PTGR1: variants seen among roughly 807,000 people sequenced by gnomAD.
PTGR1 encodes prostaglandin reductase 1, also known as 15-oxoprostaglandin 13-reductase.
In PTGR1, 23 loss-of-function variants were observed where a neutral mutation model predicts 37.7. The observed-to-expected ratio is 0.61, with a 90% CI of 0.44 to 0.86. The LOEUF is 0.86. Ranked by LOEUF, PTGR1 falls within the 40% of genes least tolerant of loss-of-function variation. The pLI, the probability that PTGR1 is intolerant of heterozygous loss-of-function variation, is 0.00. For missense variants in PTGR1, 351 were observed against 394.3 expected, an observed-to-expected ratio of 0.89 and a Z score of 0.93; for synonymous variants, 134 against 140.0, an observed-to-expected ratio of 0.96 and a Z score of 0.30.
At chr9:111,599,288 T>G (rs564827795) in intron 1 of PTGR1, 1 of 152,380 alleles carries the variant, frequency 6.6e-6, no homozygotes, top group South Asian at 2.1e-4. Flanking sequence ...CCCCCAGTTG[T>G]GCAGTCCAGC....
chr9:111,563,260 A>T, intron 9 of PTGR1, 29 bp from the exon 10 acceptor site: 1 of 1,591,300 alleles, frequency 6.3e-7, no homozygotes, highest in Non-Finnish European at 8.6e-7. Flanking sequence ...AAATTTTAAA[A>T]CTTAATTTAA....
chr9:111,591,807 T>C (rs1829631153), intron 4 of PTGR1, among the ~76,000 whole-genome samples: 1 of 152,220 alleles, frequency 6.6e-6, no homozygotes, highest in Non-Finnish European at 1.5e-5. Flanking sequence ...CCTGAAACTA[T>C]TGCTACGGAA....
intron 9 of PTGR1, among the ~76,000 whole-genome samples, chr9:111,551,351 T>G (rs1310786677): frequency 6.6e-6 from 1 of 151,992 alleles, no homozygotes; most frequent in Admixed American, 6.6e-5. Context: ...TTTGTTGTTG[T>G]TCTAAATATA....
intron 4 of PTGR1, among the ~76,000 whole-genome samples, chr9:111,589,885 T>A (rs1829555700): frequency 6.6e-6 from 1 of 152,154 alleles, no homozygotes; most frequent in African/African-American, 2.4e-5. Context: ...TCCGCCCACC[T>A]TGGCCTCCCA....
At chr9:111,552,504 A>G (rs1827999455) in intron 9 of PTGR1, among the ~76,000 whole-genome samples, 2 of 152,322 alleles carry the variant, frequency 1.3e-5, no homozygotes, top group South Asian at 2.1e-4. Context: ...CTTTTGACTT[A>G]ACTTAGCTGG....
At chr9:111,561,139 GAGAGAGAGGGA>G (rs1564608043), downstream of PTGR1, among the ~76,000 whole-genome samples, 134 of 15,564 alleles carry the variant, frequency 8.6e-3, 15 homozygotes, top group African/African-American at 0.025. Context: ...AGAGAGAGAG[GAGAGAGAGGGA>G]GAGAGAGAGA....
rs113205697 is a variant in PTGR1, at chr9:111,581,330, G to GA, written c.495+2141dup. On this transcript the variant is annotated intron_variant, in intron 6 of 9. Coordinates refer to ENST00000407693, the MANE Select transcript of PTGR1 (RefSeq NM_001146108.2). ...TCCTCATGAAGAAAACAGAATAGAT[G>GA]AAAAAAATAATTAAATAGAAGAAGA... Among the ~76,000 whole-genome samples the GA allele has an allele frequency of 5.3e-4, 81 of 152,082 alleles. 1 individual carries two copies. The highest frequency in any genetic ancestry group is 1.9e-3 in the African/African-American group (77 of 41,522).
chr9:111,570,164 G>A lies in PTGR1; in HGVS notation c.806C>T (p.Ala269Val), dbSNP rs1172494345. 5 of 1,613,992 alleles carry A rather than the reference G, an allele frequency of 3.1e-6. No individual in the cohort carries two copies. The highest frequency in any genetic ancestry group is 2.7e-5 in the African/African-American group (2 of 74,906). Residue 269 changes from alanine (A) to valine (V), a missense_variant, in exon 9 of 10, where the codon GCT (alanine) becomes GTT (valine). Coordinates refer to ENST00000407693, the MANE Select transcript of PTGR1 (RefSeq NM_001146108.2). The stretch of plus-strand genomic sequence containing the variant: ...TCCTTGCCAGCGGTAGACGACAAAA[G>A]CTTCCATGCGAAGCTCCTGATAGAT... Reference protein sequence around the residue: ...IVIYQELRMEAFVVYRWQGDA... With the variant: ...IVIYQELRMEVFVVYRWQGDA...
chr9:111,593,042 C>G, intron 3 of PTGR1, 60 bp from the exon 4 acceptor site: 5 of 1,413,936 alleles, frequency 3.5e-6, no homozygotes, highest in East Asian at 3.5e-5. Context: ...AAATTCCATT[C>G]TTAATACATA....
chr9:111,586,164 C>A lies in PTGR1; in HGVS notation c.211G>T (p.Val71Phe), dbSNP rs1829422993. ...AGGGCTACATTTTTACTTTCCACAA[C>A]TCTGAAAGATAAAGCACATTAAGGC... ...DTMMGQQVAK[V>F]VESKNVALPK... The change falls in exon 5 of 10, where the codon GTT becomes TTT. Residue 71 changes from valine (V) to phenylalanine (F), a missense_variant and splice_region_variant. Transcript: ENST00000407693. 8 of 1,613,760 alleles carry A rather than the reference C, an allele frequency of 5.0e-6. No individual in the cohort carries two copies. The highest frequency in any genetic ancestry group is 6.8e-6 in the Non-Finnish European group (8 of 1,179,726).
At chr9:111,572,039 C>A (rs1828840994) in intron 8 of PTGR1, among the ~76,000 whole-genome samples, 1 of 152,112 alleles carries the variant, frequency 6.6e-6, no homozygotes, top group Admixed American at 6.5e-5. Context: ...CTTTCAAGTT[C>A]CAGGAAGTCA....
downstream of PTGR1, among the ~76,000 whole-genome samples, chr9:111,561,110 T>TATATATAGAGAGAG (rs1457364862): frequency 4.2e-4 from 8 of 19,194 alleles, no homozygotes; most frequent in South Asian, 2.2e-3. Flanking sequence ...TATATATATA[T>TATATATAGAGAGAG]AGAGAGAGAG....
chr9:111,565,033 A>G (rs1375400192), intron 9 of PTGR1, among the ~76,000 whole-genome samples: 1 of 152,154 alleles, frequency 6.6e-6, no homozygotes, highest in Non-Finnish European at 1.5e-5. Context: ...CTGAGGCAGA[A>G]GAATCACATG....
At chr9:111,550,358 C>T (rs1827904466) in intron 9 of PTGR1, among the ~76,000 whole-genome samples, 1 of 152,160 alleles carries the variant, frequency 6.6e-6, no homozygotes, top group African/African-American at 2.4e-5. Flanking sequence ...TAGATATCTG[C>T]AATCAGAACC....
intron 9 of PTGR1, among the ~76,000 whole-genome samples, chr9:111,557,120 A>G (rs1235295719): frequency 1.3e-5 from 2 of 152,186 alleles, no homozygotes; most frequent in African/African-American, 2.4e-5. Flanking sequence ...CTCATGCAGC[A>G]TTTCCGCAGC....
At chr9:111,549,999 G>T (rs1357213897) in intron 9 of PTGR1, among the ~76,000 whole-genome samples, 2 of 152,130 alleles carry the variant, frequency 1.3e-5, no homozygotes, top group Non-Finnish European at 2.9e-5. Flanking sequence ...ATTTTATAAT[G>T]TGGCAACTCT....
intron 4 of PTGR1, among the ~76,000 whole-genome samples, chr9:111,590,023 T>C (rs1829561099): frequency 6.6e-6 from 1 of 152,194 alleles, no homozygotes; most frequent in African/African-American, 2.4e-5. Context: ...ATACTTACAA[T>C]TTTATCACAT....
chr9:111,576,270 A>T (rs1829050498), intron 7 of PTGR1: 2 of 1,263,616 alleles, frequency 1.6e-6, no homozygotes, highest in Non-Finnish European at 2.3e-6. Flanking sequence ...CCTCATTATT[A>T]GTGGATTTCA....
chr9:111,549,771 C>T (rs1454154895), exon 10 of PTGR1: 1 of 1,548,038 alleles, frequency 6.5e-7, no homozygotes, highest in East Asian at 2.4e-5. Flanking sequence ...TGCTTTGAAG[C>T]TTCAATCTTC....
Sources: allele counts gnomAD v4.1 joint callset (sites outside exome capture counted in the v4.1 genomes callset), GRCh38; gene constraint gnomAD v4.1.1; transcripts MANE v1.5; gene names NCBI Gene and HGNC (gene_info 2026-07-23, HGNC 2026-07-21).